ACBD7: variants seen among roughly 807,000 people sequenced by gnomAD.
ACBD7 encodes acyl-CoA-binding domain-containing protein 7.
A neutral mutation model predicts 13.7 loss-of-function variants in ACBD7; 11 were observed. That is an observed-to-expected ratio of 0.80 (90% CI 0.50 to 1.33). The LOEUF (loss-of-function observed/expected upper bound fraction) is 1.33. Among genes scored for constraint, ACBD7 ranks in the 40% most tolerant of loss-of-function variants. The pLI, the probability that ACBD7 is intolerant of heterozygous loss-of-function variation, is 0.00. For synonymous variants in ACBD7, 43 were observed against 37.7 expected (o/e 1.14, Z -0.51); for missense variants, 111 against 103.0 (o/e 1.08, Z -0.33).
At chr10:15,083,229 CA>C (rs1844770362) in intron 1 of ACBD7, among the ~76,000 whole-genome samples, 1 of 152,144 alleles carries the variant, frequency 6.6e-6, no homozygotes, top group African/African-American at 2.4e-5. Flanking sequence ...CTGGTTCTGG[CA>C]CCTCAGTGCA....
intron 2 of ACBD7, 27 bp from the exon 3 acceptor site, chr10:15,078,780 G>A: frequency 6.2e-7 from 1 of 1,611,446 alleles, no homozygotes; most frequent in South Asian, 1.1e-5. Flanking sequence ...ACATGCATTT[G>A]CAGGTTAACA....
intron 1 of ACBD7, among the ~76,000 whole-genome samples, chr10:15,079,719 T>C (rs1424032943): frequency 6.6e-6 from 1 of 151,592 alleles, no homozygotes; most frequent in East Asian, 1.9e-4. Flanking sequence ...GCTGGGATTA[T>C]AGGCACCTGC....
In ACBD7 at chr10:15,077,339, A is replaced by G. The variant is rs1419298281; in HGVS notation, c.*1191T>C. 1.3e-5 allele frequency among the ~76,000 whole-genome samples: 2 copies of G among 152,182 alleles called. No individual in the cohort carries two copies. Among genetic ancestry groups the G allele is most frequent in the Admixed American group, 1.3e-4 (2 of 15,266 alleles). ...TCTTAAGTGAAACAACTCAGAAAAA[A>G]ATAAGAAAATAAAGATTTTTAAAGA... is the stretch of plus-strand genomic sequence containing the variant. On this transcript the variant is annotated 3_prime_UTR_variant, in exon 4 of 4. Coordinates refer to ENST00000356189, the MANE Select transcript of ACBD7 (RefSeq NM_001039844.3).
intron 1 of ACBD7, among the ~76,000 whole-genome samples, chr10:15,081,714 C>G (rs1397280403): frequency 6.6e-6 from 1 of 152,162 alleles, no homozygotes; most frequent in Non-Finnish European, 1.5e-5. Context: ...TCAGCTTGGT[C>G]CACGAACAGT....
At chr10:15,087,934 G>A (rs1044707251) in intron 1 of ACBD7, among the ~76,000 whole-genome samples, 22 of 152,256 alleles carry the variant, frequency 1.4e-4, no homozygotes, top group African/African-American at 5.1e-4. Context: ...GTTGCAGTGA[G>A]CAGAGGTTGC....
chr10:15,077,006 C>T lies in ACBD7; in HGVS notation c.*1524G>A. 1 of 885,466 alleles carries T rather than the reference C, an allele frequency of 1.1e-6. No homozygotes were observed. Among genetic ancestry groups the T allele is most frequent in the Non-Finnish European group, 1.4e-6 (1 of 739,028 alleles). The allele number at this position is 885,466 out of a possible 1,614,324, so 54.9% of individuals were successfully genotyped here. ...TTGGTGGGAATGTAAATTAGTACAA[C>T]CTCTATGAAAAACAGCACGGAAATT... On this transcript the variant is annotated 3_prime_UTR_variant, in exon 4 of 4. Coordinates refer to ENST00000356189, the MANE Select transcript of ACBD7 (RefSeq NM_001039844.3).
At position 15,076,178 on chromosome 10, in the gene ACBD7, G is replaced by T; in HGVS notation, c.*2352C>A. 1.0e-6 allele frequency: 1 copy of T among 985,124 alleles called. No homozygotes were observed. The allele number at this position is 985,124 out of a possible 1,614,324, so 61.0% of individuals were successfully genotyped here. ...CATTCCAAATCTAAATTTTTATGCA[G>T]GGAATAGAGGTACACTGTTTTGGGG... On this transcript the variant is annotated 3_prime_UTR_variant, in exon 4 of 4. Transcript: ENST00000356189.
intron 1 of ACBD7, among the ~76,000 whole-genome samples, chr10:15,081,485 T>C (rs1009186542): frequency 6.6e-6 from 1 of 152,212 alleles, no homozygotes; most frequent in Non-Finnish European, 1.5e-5. Context: ...TAGTTATATA[T>C]TAGAAGAAGT....
rs10541297 is a variant in ACBD7, at chr10:15,075,976, CAAAAAAA to C, written c.*2547_*2553del. The C allele has an allele frequency of 3.9e-4, 123 of 313,580 alleles. No homozygotes were observed. Among genetic ancestry groups the C allele is most frequent in the South Asian group, 5.6e-4 (4 of 7,150 alleles). 19.4% of individuals were successfully genotyped at this position (313,580 alleles called of 1,614,324 possible). A position where few individuals can be genotyped will look rare whatever the true frequency, so the allele number is the denominator to read the frequency against. On this transcript the variant is annotated 3_prime_UTR_variant, in exon 4 of 4. Transcript: ENST00000356189. Reference sequence around the variant, plus strand: ...GTAACAGAGTGACAGCCTGTCTCAACAAAAAAAAAAAAAAAAAAAAAGAAAAGAAAAA... The same window carrying C: ...GTAACAGAGTGACAGCCTGTCTCAACAAAAAAAAAAAAAAGAAAAGAAAAA...
Position 15,078,498 on chromosome 10 carries a change from T to C in ACBD7, c.*32A>G, listed in dbSNP as rs922296276. On this transcript the variant is annotated 3_prime_UTR_variant, in exon 4 of 4. Transcript: ENST00000356189. ...TAGGTCATGATAGCATTTGGAAGTC[T>C]TCAAAAGGAAAAATTCCTCATATGC... The C allele has an allele frequency of 1.4e-5, 22 of 1,613,408 alleles. No individual in the cohort carries two copies. Among genetic ancestry groups the C allele is most frequent in the Non-Finnish European group, 1.9e-5 (22 of 1,179,922 alleles).
At chr10:15,080,666 G>T (rs1429950228) in intron 1 of ACBD7, among the ~76,000 whole-genome samples, 1 of 152,080 alleles carries the variant, frequency 6.6e-6, no homozygotes, top group African/African-American at 2.4e-5. Flanking sequence ...CCCTAACCCC[G>T]CAAGACCCTC....
At chr10:15,084,867 A>G (rs536744405) in intron 1 of ACBD7, among the ~76,000 whole-genome samples, 139 of 152,314 alleles carry the variant, frequency 9.1e-4, no homozygotes, top group African/African-American at 3.2e-3. Context: ...TGCCACACAG[A>G]AAGTGGGGAG....
At position 15,076,067 on chromosome 10, in the gene ACBD7, G is replaced by T. The variant is rs537983249; in HGVS notation, c.*2463C>A. ...TTTGGGGACTGGCTTTTTCTGCTCAGCATAATTCCCTGGAAATTCATCTAG... is the reference window on the plus strand; with the variant it reads ...TTTGGGGACTGGCTTTTTCTGCTCATCATAATTCCCTGGAAATTCATCTAG... On this transcript the variant is annotated 3_prime_UTR_variant, in exon 4 of 4. Transcript: ENST00000356189. 1 of 964,084 alleles carries T rather than the reference G, an allele frequency of 1.0e-6. No homozygotes were observed. The highest frequency in any genetic ancestry group is 4.8e-5 in the South Asian group (1 of 20,810). 59.7% of individuals were successfully genotyped at this position (964,084 alleles called of 1,614,324 possible). A position where few individuals can be genotyped will look rare whatever the true frequency, so the allele number is the denominator to read the frequency against.
chr10:15,078,501 A>G lies in ACBD7; in HGVS notation c.*29T>C, dbSNP rs752271002. On this transcript the variant is annotated 3_prime_UTR_variant, in exon 4 of 4. Transcript: ENST00000356189. ...GTCATGATAGCATTTGGAAGTCTTC[A>G]AAAGGAAAAATTCCTCATATGCTGT... is the stretch of plus-strand genomic sequence containing the variant. 2.5e-6 allele frequency: 4 copies of G among 1,613,446 alleles called. No homozygotes were observed. In the African/African-American group the frequency reaches 5.3e-5, roughly 22 times the overall value.
At chr10:15,087,947 T>C (rs1003151506) in intron 1 of ACBD7, among the ~76,000 whole-genome samples, 5 of 152,068 alleles carry the variant, frequency 3.3e-5, no homozygotes, top group African/African-American at 9.7e-5. Flanking sequence ...GAGGTTGCAG[T>C]GAGCAGAGAT....
Position 15,076,174 on chromosome 10 carries a change from T to C in ACBD7, c.*2356A>G. 1 of 985,286 alleles carries C rather than the reference T, an allele frequency of 1.0e-6. No homozygotes were observed. Among genetic ancestry groups the C allele is most frequent in the South Asian group, 4.7e-5 (1 of 21,274 alleles). The allele number at this position is 985,286 out of a possible 1,614,324, so 61.0% of individuals were successfully genotyped here. A position where few individuals can be genotyped will look rare whatever the true frequency, so the allele number is the denominator to read the frequency against. ...ATACCATTCCAAATCTAAATTTTTA[T>C]GCAGGGAATAGAGGTACACTGTTTT... On this transcript the variant is annotated 3_prime_UTR_variant, in exon 4 of 4. Coordinates refer to ENST00000356189, the MANE Select transcript of ACBD7 (RefSeq NM_001039844.3).
At position 15,076,074 on chromosome 10, in the gene ACBD7, TCC is replaced by T; in HGVS notation, c.*2454_*2455del. 1 of 974,388 alleles carries T rather than the reference TCC, an allele frequency of 1.0e-6. No homozygotes were observed. The highest frequency in any genetic ancestry group is 1.2e-6 in the Non-Finnish European group (1 of 820,000). The allele number at this position is 974,388 out of a possible 1,614,324, so 60.4% of individuals were successfully genotyped here. A position where few individuals can be genotyped will look rare whatever the true frequency, so the allele number is the denominator to read the frequency against. On this transcript the variant is annotated 3_prime_UTR_variant, in exon 4 of 4. Transcript: ENST00000356189. The stretch of plus-strand genomic sequence containing the variant: ...ACTGGCTTTTTCTGCTCAGCATAAT[TCC>T]CTGGAAATTCATCTAGCAGACCTAG...
chr10:15,086,972 C>T (rs1844816593), intron 1 of ACBD7, among the ~76,000 whole-genome samples: 1 of 146,476 alleles, frequency 6.8e-6, no homozygotes, highest in African/African-American at 2.6e-5. Context: ...AAGATTGCGC[C>T]ATTGCACTCC....
chr10:15,078,388 T>G lies in ACBD7; in HGVS notation c.*142A>C. 1 of 1,522,198 alleles carries G rather than the reference T, an allele frequency of 6.6e-7. No individual in the cohort carries two copies. The highest frequency in any genetic ancestry group is 8.7e-7 in the Non-Finnish European group (1 of 1,143,622). The allele number at this position is 1,522,198 out of a possible 1,614,324, so 94.3% of individuals were successfully genotyped here. On this transcript the variant is annotated 3_prime_UTR_variant, in exon 4 of 4. Coordinates refer to ENST00000356189, the MANE Select transcript of ACBD7 (RefSeq NM_001039844.3). ...AATTGAGTTAACTATGTAGTTTCAG[T>G]ATACTTCTAAGTACTACAGCTCATG...
Sources: gnomAD v4.1 joint callset for allele counts (sites outside exome capture counted in the v4.1 genomes callset) on GRCh38, gnomAD v4.1.1 for gene constraint, MANE v1.5 for transcripts, NCBI Gene and HGNC (gene_info 2026-07-23, HGNC 2026-07-21) for gene names.